ASB3: variants seen among roughly 807,000 people sequenced by gnomAD.
ASB3 encodes ankyrin repeat and SOCS box containing 3, also known as ankyrin repeat and SOCS box protein 3.
ASB3 carries 41 observed loss-of-function variants against 54.5 expected under a neutral mutation model. That is an observed-to-expected ratio of 0.75 (90% confidence interval 0.59 to 0.98). The LOEUF is 0.98. Ranked by LOEUF, ASB3 falls within the 50% of genes least tolerant of loss-of-function variation. ASB3 has a pLI of 0.00. For synonymous variants in ASB3, 266 were observed against 221.2 expected (o/e 1.20, Z -1.80); for missense variants, 733 against 620.0 (o/e 1.18, Z -1.94).
chr2:53,740,620 C>T (rs1671881890), intron 3 of ASB3, among the ~76,000 whole-genome samples: 1 of 152,204 alleles, frequency 6.6e-6, no homozygotes, highest in East Asian at 1.9e-4. Flanking sequence ...TGCCCAGTGG[C>T]TAACAATCTT....
At chr2:53,725,644 T>A (rs1670952796) in intron 5 of ASB3, among the ~76,000 whole-genome samples, 1 of 152,224 alleles carries the variant, frequency 6.6e-6, no homozygotes, top group African/African-American at 2.4e-5. Context: ...GTTTTTTAAA[T>A]TTCTAGAATA....
intron 5 of ASB3, among the ~76,000 whole-genome samples, chr2:53,723,795 C>A (rs1448263028): frequency 6.6e-6 from 1 of 152,160 alleles, no homozygotes; most frequent in Non-Finnish European, 1.5e-5. Flanking sequence ...CTACAGCCAT[C>A]TGATCTTTGA....
chr2:53,675,189 A>C (rs1668021258), intron 9 of ASB3, among the ~76,000 whole-genome samples: 1 of 152,224 alleles, frequency 6.6e-6, no homozygotes, highest in Non-Finnish European at 1.5e-5. Context: ...ATAAAGTGAA[A>C]CACCACACAA....
At chr2:53,767,730 T>A in intron 1 of ASB3, 2 of 822,848 alleles carry the variant, frequency 2.4e-6, no homozygotes, top group Non-Finnish European at 3.7e-6. Context: ...GCTCGGAAAA[T>A]CTTTCTGGAT....
In ASB3 at chr2:53,746,897, C is replaced by A. The variant is rs189439475; in HGVS notation, c.355+3886G>T. 2.5e-4 allele frequency among the ~76,000 whole-genome samples: 38 copies of A among 152,072 alleles called. 1 individual carries two copies. The highest frequency in any genetic ancestry group is 9.2e-4 in the African/African-American group (38 of 41,464). ...CAAAAGATTTATTTCTTAGTCAATA[C>A]AAATTTACCATTTACAAAATGGTAA... is the stretch of plus-strand genomic sequence containing the variant. On this transcript the variant is annotated intron_variant, in intron 3 of 9. Transcript: ENST00000263634.
intron 7 of ASB3, among the ~76,000 whole-genome samples, chr2:53,711,730 C>T (rs1228966200): frequency 2.0e-5 from 3 of 151,350 alleles, no homozygotes; most frequent in Admixed American, 6.6e-5. Flanking sequence ...GCCCAGATCG[C>T]GCCACTGTAC....
chr2:53,713,824 G>A (rs1670237872), intron 7 of ASB3, among the ~76,000 whole-genome samples: 2 of 151,878 alleles, frequency 1.3e-5, no homozygotes, highest in South Asian at 4.2e-4. Flanking sequence ...GAGGTGGGAG[G>A]ATCACCTGAG....
At chr2:53,673,560 CA>C (rs1292762392) in intron 9 of ASB3, among the ~76,000 whole-genome samples, 1 of 151,986 alleles carries the variant, frequency 6.6e-6, no homozygotes, top group Admixed American at 6.6e-5. Context: ...GTGATCAAGC[CA>C]CACTAGACCA....
At chr2:53,737,660 A>T (rs1671715158) in intron 3 of ASB3, among the ~76,000 whole-genome samples, 1 of 146,690 alleles carries the variant, frequency 6.8e-6, no homozygotes, top group Non-Finnish European at 1.5e-5. Context: ...TACTTGTGAG[A>T]GGAAGGGGAA....
chr2:53,697,591 C>G (rs719127), intron 8 of ASB3, among the ~76,000 whole-genome samples: 24,975 of 152,038 alleles, frequency 0.16, 2,118 homozygotes, highest in South Asian at 0.23. Flanking sequence ...AAATTCCTGC[C>G]AGCTGTGAGC....
Position 53,714,456 on chromosome 2 carries a change from C to T in ASB3, c.908G>A (p.Gly303Asp), listed in dbSNP as rs1273097206. The T allele has an allele frequency of 1.7e-5, 28 of 1,614,126 alleles. No individual in the cohort carries two copies. Among genetic ancestry groups the T allele is most frequent in the Non-Finnish European group, 2.1e-5 (25 of 1,180,044 alleles). Residue 303 changes from glycine to aspartate, a missense_variant, in exon 7 of 10, where the codon GGC (glycine) becomes GAC (aspartate). Gly to Asp is a moderately conservative substitution (Grantham distance 94, BLOSUM62 -1). Transcript: ENST00000263634. Reference sequence around the variant, plus strand: ...GCACGCCTGGGCGTCTGGGCTGTAGCCATTCCGGAGTAATATTTCTAGGCA... The same window carrying T: ...GCACGCCTGGGCGTCTGGGCTGTAGTCATTCCGGAGTAATATTTCTAGGCA... ...EDCLEILLRN[G>D]YSPDAQACLV...
chr2:53,731,753 A>T (rs543290076), intron 3 of ASB3, among the ~76,000 whole-genome samples: 1 of 152,210 alleles, frequency 6.6e-6, no homozygotes, highest in East Asian at 1.9e-4. Flanking sequence ...CCCAGGTTCA[A>T]GCAATTCTCC....
At chr2:53,697,589 G>A (rs1235719145) in intron 8 of ASB3, among the ~76,000 whole-genome samples, 4 of 152,148 alleles carry the variant, frequency 2.6e-5, no homozygotes, top group Non-Finnish European at 5.9e-5. Flanking sequence ...TTAAATTCCT[G>A]CCAGCTGTGA....
chr2:53,733,100 G>C (rs545632409), intron 3 of ASB3, among the ~76,000 whole-genome samples: 1 of 152,160 alleles, frequency 6.6e-6, no homozygotes, highest in Non-Finnish European at 1.5e-5. Context: ...AACCACTCAC[G>C]TATCTATAAA....
intron 1 of ASB3, among the ~76,000 whole-genome samples, chr2:53,783,369 C>T (rs1355059007): frequency 6.6e-6 from 1 of 151,924 alleles, no homozygotes; most frequent in African/African-American, 2.4e-5. Context: ...TATATTTTTC[C>T]TCTGTATTTG....
intron 1 of ASB3, among the ~76,000 whole-genome samples, chr2:53,782,813 T>C (rs1674724278): frequency 6.6e-6 from 1 of 152,056 alleles, no homozygotes; most frequent in African/African-American, 2.4e-5. Context: ...TTAGATGAAG[T>C]TTCACTTTTG....
At chr2:53,738,139 G>T (rs1377961473) in intron 3 of ASB3, among the ~76,000 whole-genome samples, 1 of 152,032 alleles carries the variant, frequency 6.6e-6, no homozygotes, top group African/African-American at 2.4e-5. Flanking sequence ...ATAGTGTAGA[G>T]GCCTGATAAT....
intron 5 of ASB3, among the ~76,000 whole-genome samples, chr2:53,720,350 C>T (rs1446140635): frequency 1.3e-5 from 2 of 152,190 alleles, no homozygotes; most frequent in South Asian, 4.1e-4. Context: ...GTGTCACAGG[C>T]ACATGCCCTT....
chr2:53,767,720 G>C, intron 1 of ASB3: 1 of 758,772 alleles, frequency 1.3e-6, no homozygotes. Flanking sequence ...ACTGAGATCC[G>C]CTCGGAAAAT....
Sources: allele counts gnomAD v4.1 joint callset (sites outside exome capture counted in the v4.1 genomes callset), GRCh38; gene constraint gnomAD v4.1.1; transcripts MANE v1.5; gene names NCBI Gene and HGNC (gene_info 2026-07-23, HGNC 2026-07-21).